CACNA1C: variants seen among roughly 807,000 people sequenced by gnomAD.
CACNA1C encodes calcium voltage-gated channel subunit alpha1 C.
CACNA1C carries 30 observed loss-of-function variants against 229.0 expected under a neutral mutation model. That is an observed-to-expected ratio of 0.13 (90% CI 0.10 to 0.18). The LOEUF is 0.18. CACNA1C is among the 10% of genes least tolerant of loss of function. The pLI is 1.00. For synonymous variants in CACNA1C, 1,114 were observed against 1,132.5 expected, an observed-to-expected ratio of 0.98 and a Z score of 0.33; for missense variants, 1,658 against 2,845.0, an observed-to-expected ratio of 0.58 and a Z score of 9.49.
chr12:2,376,291 CT>C (rs2098064010), intron 3 of CACNA1C, among the ~76,000 whole-genome samples: 1 of 152,184 alleles, frequency 6.6e-6, no homozygotes, highest in South Asian at 2.1e-4. Flanking sequence ...GGGCAAGCCA[CT>C]AAACTCTGAG....
At chr12:2,350,419 CAA>C (rs139796913) in intron 3 of CACNA1C, among the ~76,000 whole-genome samples, 28,896 of 152,170 alleles carry the variant, frequency 0.19, 3,158 homozygotes, top group Non-Finnish European at 0.24. Context: ...ATAACTTGCC[CAA>C]GCACACACAA....
At chr12:2,392,687 G>A (rs150086908) in intron 3 of CACNA1C, among the ~76,000 whole-genome samples, 205 of 152,306 alleles carry the variant, frequency 1.3e-3, no homozygotes, top group Non-Finnish European at 2.4e-3. Flanking sequence ...TCTGCATACA[G>A]CGGGACCTGA....
chr12:2,497,701 G>A (rs1045515196), intron 7 of CACNA1C, among the ~76,000 whole-genome samples: 8 of 151,558 alleles, frequency 5.3e-5, no homozygotes, highest in Non-Finnish European at 5.9e-5. Context: ...TCAGTTCTTC[G>A]ACTGATTTTT....
chr12:2,612,190 G>A lies in CACNA1C; in HGVS notation c.3828+177G>A, dbSNP rs114441162. ...CTACACCTGCCCAGAGCTGAACCAG[G>A]CCAACTCCAGGAAACACTCTCAGCT... On this transcript the variant is annotated intron_variant, in intron 29 of 46. Coordinates refer to ENST00000399655, the MANE Select transcript of CACNA1C (RefSeq NM_000719.7). The A allele has an allele frequency of 2.4e-3, 1,374 of 572,784 alleles. 21 individuals carry two copies. Among genetic ancestry groups the A allele is most frequent in the African/African-American group, 0.023 (1,224 of 53,488 alleles). 35.5% of individuals were successfully genotyped at this position (572,784 alleles called of 1,614,324 possible). A position where few individuals can be genotyped will look rare whatever the true frequency, so the allele number is the denominator to read the frequency against.
intron 1 of CACNA1C, among the ~76,000 whole-genome samples, chr12:2,021,568 T>C (rs1233708866): frequency 6.6e-6 from 1 of 151,998 alleles, no homozygotes; most frequent in Non-Finnish European, 1.5e-5. Flanking sequence ...TAATTCCAGC[T>C]ACTCAGGAGG....
intron 30 of CACNA1C, chr12:2,641,592 C>G (rs1379382683): frequency 6.4e-6 from 4 of 625,808 alleles, no homozygotes; most frequent in African/African-American, 1.8e-5. Context: ...GCCCCCACCC[C>G]CAACAAACCT....
chr12:2,581,930 C>T (rs548107716), intron 14 of CACNA1C, 133 bp downstream of exon 14: 20 of 570,368 alleles, frequency 3.5e-5, no homozygotes, highest in South Asian at 8.4e-5. Flanking sequence ...AGCCCATGCC[C>T]GGGAGAGTCT....
intron 1 of CACNA1C, among the ~76,000 whole-genome samples, chr12:2,046,764 A>C (rs2051138779): frequency 6.6e-6 from 1 of 152,106 alleles, no homozygotes; most frequent in Non-Finnish European, 1.5e-5. Flanking sequence ...GCTGGGGCTG[A>C]GCTGCCAGGA....
At chr12:2,149,529 C>T (rs1191175575) in intron 3 of CACNA1C, among the ~76,000 whole-genome samples, 1 of 152,202 alleles carries the variant, frequency 6.6e-6, no homozygotes, top group Admixed American at 6.5e-5. Context: ...TTTAGGAATG[C>T]TCATAGCAGT....
chr12:2,518,301 T>C (rs116328032), intron 9 of CACNA1C, among the ~76,000 whole-genome samples: 2,913 of 152,218 alleles, frequency 0.019, 99 homozygotes, highest in African/African-American at 0.067. Context: ...ATGTACATAG[T>C]TATTTGATCT....
rs748091873 is a variant in CACNA1C, at chr12:2,556,936, CT to C, written c.1482-10del. 2 of 1,610,396 alleles carry C rather than the reference CT, an allele frequency of 1.2e-6. No homozygotes were observed. Among genetic ancestry groups the C allele is most frequent in the African/African-American group, 2.7e-5 (2 of 74,924 alleles). On this transcript the variant is annotated splice_polypyrimidine_tract_variant and intron_variant, in intron 10 of 46. Coordinates refer to ENST00000399655, the MANE Select transcript of CACNA1C (RefSeq NM_000719.7). Reference sequence around the variant, plus strand: ...TGTGTCCATCCTTTGGTAACATTTCCTTTTTCTTTTTCAGCCACCGGATCTC... The same window carrying C: ...TGTGTCCATCCTTTGGTAACATTTCCTTTTCTTTTTCAGCCACCGGATCTC...
In CACNA1C at chr12:2,108,536, G is replaced by A. The variant is rs1213940932; in HGVS notation, c.50-6688G>A. On this transcript the variant is annotated intron_variant, in intron 1 of 46. Coordinates refer to ENST00000399655, the MANE Select transcript of CACNA1C (RefSeq NM_000719.7). The surrounding 1 kb of genome is among the most constrained non-coding windows in gnomAD (Gnocchi z 5.3). ...GGCAAAAGTTGTGTCAGGAATTCTC[G>A]CTCCAAGGGAGGTTGGGAGCCATTG... Among the ~76,000 whole-genome samples, 1 of 152,206 alleles carries A rather than the reference G, an allele frequency of 6.6e-6. No homozygotes were observed. Among genetic ancestry groups the A allele is most frequent in the East Asian group, 1.9e-4 (1 of 5,198 alleles).
At position 2,264,250 on chromosome 12, in the gene CACNA1C, G is replaced by A. The variant is rs368731731; in HGVS notation, c.477+143820G>A. On this transcript the variant is annotated intron_variant, in intron 3 of 46. Transcript: ENST00000399655. ...GGGATGCCTCTGCAAGGGCTCCAGGGGGCTCTCAAAGAGGAGCAGGCTCTG... is the reference window on the plus strand; with the variant it reads ...GGGATGCCTCTGCAAGGGCTCCAGGAGGCTCTCAAAGAGGAGCAGGCTCTG... Among the ~76,000 whole-genome samples the A allele has an allele frequency of 8.5e-5, 13 of 152,246 alleles. No individual in the cohort carries two copies. In the East Asian group the frequency reaches 2.1e-3, roughly 25 times the overall value.
At chr12:2,492,918 C>A (rs2099739202) in intron 6 of CACNA1C, among the ~76,000 whole-genome samples, 1 of 152,148 alleles carries the variant, frequency 6.6e-6, no homozygotes, top group Non-Finnish European at 1.5e-5. Context: ...CAATAGAAAT[C>A]AATTACTAAG....
intron 7 of CACNA1C, among the ~76,000 whole-genome samples, chr12:2,502,167 G>A (rs1385908478): frequency 6.6e-6 from 1 of 152,232 alleles, no homozygotes; most frequent in African/African-American, 2.4e-5. Flanking sequence ...GCAGCTGCCA[G>A]CCTGCACTGT....
In CACNA1C at chr12:2,689,058, G is replaced by A. The variant is rs2097675782; in HGVS notation, c.6117+279G>A. ...TACTGCAGCTGCTCGACATGCAAAT[G>A]TGAGCCTGGCTGCCTTTATACACAG... On this transcript the variant is annotated intron_variant, in intron 46 of 46. Coordinates refer to ENST00000399655, the MANE Select transcript of CACNA1C (RefSeq NM_000719.7). The surrounding 1 kb of genome is among the most constrained non-coding windows in gnomAD (Gnocchi z 4.2). 6.6e-6 allele frequency among the ~76,000 whole-genome samples: 1 copy of A among 152,186 alleles called. No homozygotes were observed. Among genetic ancestry groups the A allele is most frequent in the South Asian group, 2.1e-4 (1 of 4,822 alleles).
At chr12:2,002,310 G>A (rs933423102) in intron 1 of CACNA1C, among the ~76,000 whole-genome samples, 6 of 152,166 alleles carry the variant, frequency 3.9e-5, no homozygotes, top group African/African-American at 1.4e-4. Context: ...GACAGCACAT[G>A]GAGACAGTGG....
intron 3 of CACNA1C, among the ~76,000 whole-genome samples, chr12:2,338,430 G>T (rs2096765366): frequency 6.6e-6 from 1 of 152,156 alleles, no homozygotes; most frequent in African/African-American, 2.4e-5. Context: ...GGTCCTGGCT[G>T]TGTGGCTCAG....
At chr12:2,089,043 A>G (rs2068962024) in intron 1 of CACNA1C, among the ~76,000 whole-genome samples, 1 of 152,158 alleles carries the variant, frequency 6.6e-6, no homozygotes, top group South Asian at 2.1e-4. Context: ...TCTTAGTCCA[A>G]CCAACTTGAA....
Sources: allele counts gnomAD v4.1 joint callset (sites outside exome capture counted in the v4.1 genomes callset), GRCh38; gene constraint gnomAD v4.1.1; non-coding constraint Gnocchi (gnomAD v3.1); transcripts MANE v1.5; gene names NCBI Gene and HGNC (gene_info 2026-07-23, HGNC 2026-07-21).